TTC28: variants seen among roughly 807,000 people sequenced by gnomAD.
The protein encoded by TTC28 is tetratricopeptide repeat domain 28.
In TTC28, 61 loss-of-function variants were observed where a neutral mutation model predicts 198.0. The ratio of observed to expected loss-of-function variants is 0.31; its 90% CI spans 0.25 to 0.38. The LOEUF (loss-of-function observed/expected upper bound fraction) is 0.38. TTC28 is among the 10% of genes least tolerant of loss of function. The pLI is 1.00. For missense variants in TTC28, 2,678 were observed against 3,164.0 expected, an observed-to-expected ratio of 0.85 and a Z score of 3.69; for synonymous variants, 1,171 against 1,297.8, an observed-to-expected ratio of 0.90 and a Z score of 2.10.
chr22:28,249,848 C>CATT (rs776297940), intron 5 of TTC28, among the ~76,000 whole-genome samples: 6 of 152,202 alleles, frequency 3.9e-5, no homozygotes, highest in Non-Finnish European at 7.3e-5. Context: ...AGTTCTGAGA[C>CATT]ATTACCTCAG....
chr22:28,211,304 G>C (rs1442472729), intron 5 of TTC28, among the ~76,000 whole-genome samples: 1 of 152,102 alleles, frequency 6.6e-6, no homozygotes, highest in Non-Finnish European at 1.5e-5. Context: ...AATGTAAATG[G>C]GTTAAATGCT....
chr22:28,104,138 C>T (rs1569140436), intron 8 of TTC28, among the ~76,000 whole-genome samples: 1 of 152,202 alleles, frequency 6.6e-6, no homozygotes, highest in Non-Finnish European at 1.5e-5. Flanking sequence ...TTCTCTCTCT[C>T]CTGGCTTCCC....
At chr22:28,544,962 G>A (rs982574489) in intron 2 of TTC28, among the ~76,000 whole-genome samples, 2 of 152,112 alleles carry the variant, frequency 1.3e-5, no homozygotes, top group African/African-American at 4.8e-5. Flanking sequence ...ATACTCAATC[G>A]AGCAGCCCAT....
chr22:28,400,424 A>G (rs1234275568), intron 2 of TTC28, among the ~76,000 whole-genome samples: 1 of 152,222 alleles, frequency 6.6e-6, no homozygotes, highest in Admixed American at 6.5e-5. Context: ...CTTATTTTAA[A>G]TTAATCTTTT....
chr22:28,152,001 G>C (rs1351135461), intron 6 of TTC28, among the ~76,000 whole-genome samples: 2 of 152,136 alleles, frequency 1.3e-5, no homozygotes, highest in African/African-American at 4.8e-5. Context: ...GGGCTCAGAG[G>C]GGGCCCGCAG....
intron 2 of TTC28, among the ~76,000 whole-genome samples, chr22:28,517,433 G>T (rs940999715): frequency 6.6e-6 from 1 of 151,908 alleles, no homozygotes; most frequent in African/African-American, 2.4e-5. Context: ...TTAAAGATTT[G>T]GCATACCCAG....
chr22:28,545,867 G>A (rs1408181755), intron 2 of TTC28, among the ~76,000 whole-genome samples: 1 of 152,044 alleles, frequency 6.6e-6, no homozygotes, highest in Non-Finnish European at 1.5e-5. Flanking sequence ...GTTCACAAAG[G>A]GGAAGACTCG....
chr22:28,466,964 G>A (rs1288376023), intron 2 of TTC28, among the ~76,000 whole-genome samples: 2 of 151,902 alleles, frequency 1.3e-5, no homozygotes, highest in East Asian at 1.9e-4. Flanking sequence ...TTTTTTAAGT[G>A]GGCATTCTAT....
In TTC28 at chr22:28,224,113, G is replaced by T. The variant is rs147506335; in HGVS notation, c.934-60514C>A. 5.9e-3 allele frequency among the ~76,000 whole-genome samples: 898 copies of T among 152,240 alleles called. 6 individuals are homozygous for T. The highest frequency in any genetic ancestry group is 9.8e-3 in the Non-Finnish European group (668 of 68,016). On this transcript the variant is annotated intron_variant, in intron 5 of 22. Coordinates refer to ENST00000397906, the MANE Select transcript of TTC28 (RefSeq NM_001145418.2). ...CTAGTGGGCAGAGGTCAGTGATGCCGCTAATCATCCTACGATGCACAGAAC... is the reference window on the plus strand; with the variant it reads ...CTAGTGGGCAGAGGTCAGTGATGCCTCTAATCATCCTACGATGCACAGAAC...
intron 1 of TTC28, among the ~76,000 whole-genome samples, chr22:28,649,141 T>C (rs985939648): frequency 2.0e-5 from 3 of 152,128 alleles, no homozygotes; most frequent in Admixed American, 1.3e-4. Flanking sequence ...TTCTCACTTA[T>C]AAATGGGAGC....
intron 6 of TTC28, among the ~76,000 whole-genome samples, chr22:28,160,886 G>C (rs988790519): frequency 1.3e-5 from 2 of 152,172 alleles, no homozygotes; most frequent in Non-Finnish European, 2.9e-5. Context: ...AGAAGATACA[G>C]AAGGAGCAGC....
At chr22:28,622,047 G>A (rs2051008829) in intron 2 of TTC28, among the ~76,000 whole-genome samples, 1 of 152,160 alleles carries the variant, frequency 6.6e-6, no homozygotes. Context: ...AAAGCTACCT[G>A]AAAGTACTAA....
At chr22:28,105,826 C>G in intron 7 of TTC28, 24 bp from the exon 8 acceptor site, 2 of 1,526,010 alleles carry the variant, frequency 1.3e-6, no homozygotes, top group Non-Finnish European at 1.8e-6. Context: ...GACAGAAAAG[C>G]AATGATATTA....
At chr22:28,218,750 T>C (rs1264251930) in intron 5 of TTC28, among the ~76,000 whole-genome samples, 1 of 152,144 alleles carries the variant, frequency 6.6e-6, no homozygotes, top group Non-Finnish European at 1.5e-5. Context: ...TTAAAATTAA[T>C]GCTTATAATA....
intron 2 of TTC28, among the ~76,000 whole-genome samples, chr22:28,580,957 G>T (rs2050225327): frequency 6.6e-6 from 1 of 151,964 alleles, no homozygotes; most frequent in African/African-American, 2.4e-5. Flanking sequence ...ACTTTGCAAA[G>T]CCTCTCTTCC....
chr22:28,577,614 TATA>T (rs1161431741), intron 2 of TTC28, among the ~76,000 whole-genome samples: 1 of 152,082 alleles, frequency 6.6e-6, no homozygotes, highest in Admixed American at 6.6e-5. Context: ...TCTCTTCAGT[TATA>T]ATATTTTCTT....
chr22:28,407,355 C>T (rs1304603469), intron 2 of TTC28, among the ~76,000 whole-genome samples: 1 of 152,116 alleles, frequency 6.6e-6, no homozygotes, highest in Non-Finnish European at 1.5e-5. Flanking sequence ...TGACGTTTCT[C>T]CAAGGCTCTA....
At chr22:28,610,564 T>C (rs1318042642) in intron 2 of TTC28, among the ~76,000 whole-genome samples, 3 of 151,516 alleles carry the variant, frequency 2.0e-5, no homozygotes, top group Admixed American at 2.0e-4. Flanking sequence ...GGACGTCCAC[T>C]TGGAGACACC....
At chr22:28,314,436 A>G (rs953990890) in intron 2 of TTC28, among the ~76,000 whole-genome samples, 11 of 152,204 alleles carry the variant, frequency 7.2e-5, no homozygotes, top group African/African-American at 2.7e-4. Context: ...ACAAAGCTGG[A>G]GGCATCACGC....
Sources: allele counts gnomAD v4.1 joint callset (sites outside exome capture counted in the v4.1 genomes callset), GRCh38; gene constraint gnomAD v4.1.1; transcripts MANE v1.5; gene names NCBI Gene and HGNC (gene_info 2026-07-23, HGNC 2026-07-21).